The following DUS2 variants were observed in gnomAD, a reference collection of about 807,000 sequenced individuals.
DUS2 encodes the protein tRNA-dihydrouridine(20) synthase [NAD(P)+]-like.
A neutral mutation model predicts 71.3 loss-of-function variants in DUS2; 52 were observed. The observed-to-expected ratio is 0.73, with a 90% CI of 0.58 to 0.92. DUS2 has a LOEUF of 0.92. DUS2 is among the 40% of genes least tolerant of loss of function. The pLI is 0.00. For missense variants in DUS2, 558 were observed against 622.6 expected (o/e 0.90, Z 1.10); for synonymous variants, 204 against 227.8 (o/e 0.90, Z 0.94).
chr16:68,066,504 A>C, intron 9 of DUS2, 62 bp from the exon 10 acceptor site: 1 of 1,597,710 alleles, frequency 6.3e-7, no homozygotes, highest in Non-Finnish European at 8.6e-7. Context: ...AGCCTACTTT[A>C]GGAGGCAGCA....
chr16:68,024,241 C>T (rs2033308599), intron 1 of DUS2, among the ~76,000 whole-genome samples: 1 of 151,942 alleles, frequency 6.6e-6, no homozygotes, highest in African/African-American at 2.4e-5. Flanking sequence ...AGACTACAGC[C>T]GTACACCACC....
chr16:68,036,307 C>T (rs542158551), intron 2 of DUS2, among the ~76,000 whole-genome samples: 7 of 152,132 alleles, frequency 4.6e-5, no homozygotes, highest in African/African-American at 1.7e-4. Context: ...ATTACAGGCA[C>T]TTGTCATCAT....
chr16:68,064,108 ATC>A (rs1018742307), intron 8 of DUS2, among the ~76,000 whole-genome samples: 19 of 152,118 alleles, frequency 1.2e-4, no homozygotes, highest in Admixed American at 3.9e-4. Context: ...TCCTATCCTC[ATC>A]TGCTGCCTCC....
At chr16:68,074,385 A>G (rs1334647531) in intron 13 of DUS2, among the ~76,000 whole-genome samples, 1 of 152,182 alleles carries the variant, frequency 6.6e-6, no homozygotes, top group African/African-American at 2.4e-5. Context: ...TACTAGAAGG[A>G]TAGAGGAATG....
chr16:68,041,429 C>G (rs1467470813), intron 3 of DUS2, among the ~76,000 whole-genome samples: 1 of 152,026 alleles, frequency 6.6e-6, no homozygotes, highest in African/African-American at 2.4e-5. Flanking sequence ...AGACACTGAC[C>G]TGTTAGACTT....
chr16:68,075,364 T>TGG lies in DUS2; in HGVS notation c.943_944dup (p.Leu316AlafsTer61). 6.2e-7 allele frequency: 1 copy of TGG among 1,607,460 alleles called. No homozygotes were observed. Among genetic ancestry groups the TGG allele is most frequent in the Non-Finnish European group, 8.5e-7 (1 of 1,176,536 alleles). ...GCTTCTTCCTCCCTAGTGAGGCCTT[T>TGG]GGCCTTGGTGCCTTCTATGAGGAGA... On this transcript the variant is annotated frameshift_variant, in exon 14 of 17. Coordinates refer to ENST00000565263, the MANE Select transcript of DUS2 (RefSeq NM_017803.5). LOFTEE classifies it high-confidence loss of function.
At chr16:68,062,782 A>G (rs945804199) in intron 8 of DUS2, among the ~76,000 whole-genome samples, 2 of 151,752 alleles carry the variant, frequency 1.3e-5, no homozygotes, top group African/African-American at 4.8e-5. Context: ...CAGCTTGTGA[A>G]CTATAGTCTC....
chr16:68,065,808 T>A (rs2033997669), intron 8 of DUS2, among the ~76,000 whole-genome samples: 2 of 151,992 alleles, frequency 1.3e-5, no homozygotes, highest in East Asian at 3.9e-4. Context: ...CTTACTTTTT[T>A]TTTTTTTTTA....
rs762536271 is a variant in DUS2 at position 68,054,564 on chromosome 16, G to A, written c.265-10G>A. The A allele has an allele frequency of 6.2e-7, 1 of 1,614,028 alleles. No individual in the cohort carries two copies. Among genetic ancestry groups the A allele is most frequent in the Admixed American group, 1.7e-5 (1 of 59,984 alleles). ...AGGGCAGTGGTTGATGCAGCCTCTTGTGTTCCCAGGGGACTTCAGACGCAG... is the reference window on the plus strand; with the variant it reads ...AGGGCAGTGGTTGATGCAGCCTCTTATGTTCCCAGGGGACTTCAGACGCAG... On this transcript the variant is annotated splice_polypyrimidine_tract_variant and intron_variant, in intron 5 of 16. Transcript: ENST00000565263.
At chr16:68,039,051 T>TA (rs2014328621) in intron 3 of DUS2, among the ~76,000 whole-genome samples, 1 of 151,256 alleles carries the variant, frequency 6.6e-6, no homozygotes, top group African/African-American at 2.4e-5. Context: ...AATAAAAATA[T>TA]AAAAAATGTA....
intron 3 of DUS2, among the ~76,000 whole-genome samples, chr16:68,048,019 G>A (rs982027150): frequency 2.0e-5 from 3 of 152,186 alleles, no homozygotes; most frequent in Non-Finnish European, 2.9e-5. Context: ...CTGAGCTCAA[G>A]TGATCCTCCT....
chr16:68,026,091 A>C (rs1468409569), intron 2 of DUS2, among the ~76,000 whole-genome samples: 1 of 152,140 alleles, frequency 6.6e-6, no homozygotes, highest in Non-Finnish European at 1.5e-5. Context: ...CCCAGGTTCA[A>C]GTGATTCTTC....
intron 3 of DUS2, among the ~76,000 whole-genome samples, chr16:68,047,937 C>T (rs745537447): frequency 1.3e-5 from 2 of 152,012 alleles, no homozygotes; most frequent in East Asian, 1.9e-4. Context: ...CATGCCACCA[C>T]GCCCGGCTAA....
Position 68,066,568 on chromosome 16 carries a change from A to G in DUS2, c.486A>G (p.Leu162=). The G allele has an allele frequency of 6.2e-7, 1 of 1,614,204 alleles. No homozygotes were observed. ...VTCKIRILPS[L]EDTLSLVKRI... The stretch of plus-strand genomic sequence containing the variant: ...TCCTGTGTGGTCCTCCTCCTCAGCT[A>G]GAAGATACCCTGAGCCTTGTGAAGC... Residue 162 remains leucine (L), a splice_region_variant and synonymous_variant, in exon 10 of 17, where the codon CTA becomes CTG. Transcript: ENST00000565263.
At chr16:68,068,865 G>A (rs970071242) in intron 10 of DUS2, among the ~76,000 whole-genome samples, 1 of 151,170 alleles carries the variant, frequency 6.6e-6, no homozygotes, top group Non-Finnish European at 1.5e-5. Context: ...TTCCCAAAGT[G>A]CAGGGATTAC....
chr16:68,043,555 G>A (rs1364864866), intron 3 of DUS2, among the ~76,000 whole-genome samples: 2 of 152,082 alleles, frequency 1.3e-5, no homozygotes, highest in African/African-American at 2.4e-5. Context: ...GATTAGTGAT[G>A]GTGAACATCT....
In DUS2 at chr16:68,069,776, G is replaced by A. The variant is rs556918045; in HGVS notation, c.555-358G>A. Among the ~76,000 whole-genome samples, 4 of 152,318 alleles carry A rather than the reference G, an allele frequency of 2.6e-5. No homozygotes were observed. In the South Asian group the frequency reaches 8.3e-4, roughly 32 times the overall value. ...AGAGGGCAGGACTGGGACAGTAGGG[G>A]CAGCACTCTTATGGCCCTGTCCCTC... On this transcript the variant is annotated intron_variant, in intron 10 of 16. Coordinates refer to ENST00000565263, the MANE Select transcript of DUS2 (RefSeq NM_017803.5).
chr16:68,034,300 C>A lies in DUS2; in HGVS notation c.-18-3706C>A, dbSNP rs184811564. Among the ~76,000 whole-genome samples the A allele has an allele frequency of 1.2e-3, 174 of 151,168 alleles. 1 individual carries two copies. The highest frequency in any genetic ancestry group is 3.8e-3 in the African/African-American group (155 of 40,540). ...GGCTAATCTCCAACTCCAAGCTGAT[C>A]TCCCATCTCCAACTCAAGCGATCTC... On this transcript the variant is annotated intron_variant, in intron 2 of 16. Transcript: ENST00000565263.
chr16:68,049,202 G>T (rs1458512208), intron 3 of DUS2, among the ~76,000 whole-genome samples: 1 of 152,140 alleles, frequency 6.6e-6, no homozygotes, highest in African/African-American at 2.4e-5. Context: ...CAGTAGGTGA[G>T]GAAATTTTCC....
Sources: gnomAD v4.1 joint callset for allele counts (sites outside exome capture counted in the v4.1 genomes callset) on GRCh38, gnomAD v4.1.1 for gene constraint, MANE v1.5 for transcripts, NCBI Gene and HGNC (gene_info 2026-07-23, HGNC 2026-07-21) for gene names.